Variants in RASEF observed in about 807,000 individuals in gnomAD.
RASEF encodes RAS and EF-hand domain containing.
RASEF carries 68 observed loss-of-function variants against 90.1 expected under a neutral mutation model. The observed-to-expected ratio is 0.75, with a 90% CI of 0.62 to 0.92. The LOEUF (loss-of-function observed/expected upper bound fraction) is 0.92, where lower values mean the gene tolerates loss of function less well. Ranked by LOEUF, RASEF falls within the 40% of genes least tolerant of loss-of-function variation. The pLI is 0.00. For missense variants in RASEF, 949 were observed against 937.2 expected (o/e 1.01, Z -0.16); for synonymous variants, 331 against 345.2 (o/e 0.96, Z 0.46).
At chr9:83,211,711 T>C in the RASEF span, among the ~76,000 whole-genome samples, 8 of 152,176 alleles carry the variant, frequency 5.3e-5, no homozygotes, top group Non-Finnish European at 1.0e-4. Context: ...TATAAGGGTG[T>C]CATTAGGGCC....
At chr9:83,175,586 C>T in the RASEF span, among the ~76,000 whole-genome samples, 3 of 143,062 alleles carry the variant, frequency 2.1e-5, no homozygotes, top group Non-Finnish European at 4.6e-5. Flanking sequence ...TATTTCAATC[C>T]TTTTTTTTTT....
the RASEF span, among the ~76,000 whole-genome samples, chr9:83,111,412 C>T: frequency 5.3e-5 from 8 of 151,916 alleles, no homozygotes; most frequent in East Asian, 5.8e-4. Flanking sequence ...GAGTAAGTTT[C>T]GGAGGCCTAA....
chr9:83,207,598 C>CTTTTTTTTTTTTT, the RASEF span, among the ~76,000 whole-genome samples: 10 of 85,454 alleles, frequency 1.2e-4, 1 homozygote, highest in African/African-American at 3.9e-4. Flanking sequence ...AGGAGGGCTG[C>CTTTTTTTTTTTTT]TTTTTTTTTT....
the RASEF span, among the ~76,000 whole-genome samples, chr9:83,173,554 G>C: frequency 6.6e-6 from 1 of 151,376 alleles, no homozygotes; most frequent in Non-Finnish European, 1.5e-5. Context: ...TTTTCAATTT[G>C]ATTTTTCAGC....
At chr9:83,048,641 G>A in intron 1 of RASEF, 1 of 985,470 alleles carries the variant, frequency 1.0e-6, no homozygotes, top group African/African-American at 1.7e-5. Flanking sequence ...AAATAACACA[G>A]ACGTTCCTTG....
intron 1 of RASEF, among the ~76,000 whole-genome samples, chr9:83,033,317 G>A (rs1425379013): frequency 6.6e-6 from 1 of 152,194 alleles, no homozygotes; most frequent in Non-Finnish European, 1.5e-5. Flanking sequence ...TCACAGGACT[G>A]ACTATGACTG....
the RASEF span, among the ~76,000 whole-genome samples, chr9:83,087,417 C>CTG: frequency 0.021 from 3,119 of 149,506 alleles, 102 homozygotes; most frequent in African/African-American, 0.072. Flanking sequence ...CTCTCTCTCT[C>CTG]TCTCTCTCTC....
the RASEF span, among the ~76,000 whole-genome samples, chr9:83,121,744 C>T: frequency 5.3e-5 from 8 of 152,152 alleles, no homozygotes; most frequent in African/African-American, 9.7e-5. Context: ...GCTACAAAAA[C>T]GATGACTCTA....
chr9:83,095,412 G>T, the RASEF span, among the ~76,000 whole-genome samples: 17 of 150,698 alleles, frequency 1.1e-4, no homozygotes, highest in South Asian at 3.6e-3. Context: ...TGAGATTTCA[G>T]TCTCTTCACT....
chr9:83,176,307 A>T, the RASEF span, among the ~76,000 whole-genome samples: 1 of 151,912 alleles, frequency 6.6e-6, no homozygotes, highest in Non-Finnish European at 1.5e-5. Flanking sequence ...TAGTCTAGCC[A>T]CTCTAGCTTT....
the RASEF span, among the ~76,000 whole-genome samples, chr9:83,143,580 T>C: frequency 6.6e-6 from 1 of 152,160 alleles, no homozygotes; most frequent in Non-Finnish European, 1.5e-5. Context: ...TAAGTAATAA[T>C]GTTTAACAAT....
At chr9:83,132,565 G>A in the RASEF span, among the ~76,000 whole-genome samples, 1 of 152,058 alleles carries the variant, frequency 6.6e-6, no homozygotes, top group African/African-American at 2.4e-5. Flanking sequence ...AATACTAAGA[G>A]GTCTCATAAC....
At chr9:83,121,635 T>C in the RASEF span, among the ~76,000 whole-genome samples, 4 of 152,168 alleles carry the variant, frequency 2.6e-5, no homozygotes, top group Non-Finnish European at 4.4e-5. Flanking sequence ...ATTATTCCCC[T>C]GGCCCTTTAC....
At chr9:83,072,035 T>C in the RASEF span, among the ~76,000 whole-genome samples, 5 of 152,186 alleles carry the variant, frequency 3.3e-5, no homozygotes, top group Admixed American at 6.5e-5. Context: ...GAGTTAAAAA[T>C]TTGAGACCAT....
chr9:83,191,213 T>C, the RASEF span, among the ~76,000 whole-genome samples: 1 of 152,102 alleles, frequency 6.6e-6, no homozygotes, highest in East Asian at 1.9e-4. Context: ...GGAAAACCTA[T>C]CCTGGGAAGC....
At chr9:83,015,976 C>G in intron 3 of RASEF, 76 bp from the exon 4 acceptor site, 1 of 1,064,984 alleles carries the variant, frequency 9.4e-7, no homozygotes, top group South Asian at 1.3e-5. Flanking sequence ...AGGTGAGAAA[C>G]ATTTTGTGTC....
chr9:83,055,612 C>A, intron 1 of RASEF: 1 of 718,102 alleles, frequency 1.4e-6, no homozygotes, highest in South Asian at 1.5e-5. Context: ...CTTTTTAGCC[C>A]ATGACAATGC....
chr9:83,135,943 A>G, the RASEF span, among the ~76,000 whole-genome samples: 2 of 152,132 alleles, frequency 1.3e-5, no homozygotes, highest in South Asian at 4.1e-4. Context: ...CTAGTAGTCA[A>G]TAAGTAATTA....
Position 83,005,420 on chromosome 9 carries a change from G to A in RASEF, c.1109C>T (p.Ser370Phe), listed in dbSNP as rs1587488081. Residue 370 changes from serine (S) to phenylalanine (F), a missense_variant, in exon 8 of 17, where the codon TCT (serine) becomes TTT (phenylalanine). Physicochemically the swap from Ser to Phe is radical, Grantham distance 155. This residue lies in a region of RASEF where 656 missense variants were observed against 592.2 expected (regional missense o/e 1.11). Coordinates refer to ENST00000376447, the MANE Select transcript of RASEF (RefSeq NM_152573.4). The stretch of plus-strand genomic sequence containing the variant: ...TGGTAAAACTATGTGGCATACCAAA[G>A]ATCTGTTGAACTTGCTATAACTGTT... ...LENSYSKFNR[S>F]LHINNISPGN... The A allele has an allele frequency of 6.2e-7, 1 of 1,606,562 alleles. No individual in the cohort carries two copies. Among genetic ancestry groups the A allele is most frequent in the Non-Finnish European group, 8.5e-7 (1 of 1,173,248 alleles).
Sources: gnomAD v4.1 joint callset for allele counts (sites outside exome capture counted in the v4.1 genomes callset) on GRCh38, gnomAD v4.1.1 for gene constraint, gnomAD v4.1.1 regional missense constraint, MANE v1.5 for transcripts, NCBI Gene and HGNC (gene_info 2026-07-23, HGNC 2026-07-21) for gene names.